The following TBC1D32 variants were observed in gnomAD, a reference collection of about 807,000 sequenced individuals.
The protein encoded by TBC1D32 is protein broad-minded.
A neutral mutation model predicts 170.3 loss-of-function variants in TBC1D32; 151 were observed. That is an observed-to-expected ratio of 0.89 (90% CI 0.78 to 1.01). TBC1D32 has a LOEUF of 1.01. Among genes scored for constraint, TBC1D32 ranks in the 50% least tolerant of loss-of-function variants. TBC1D32 has a pLI of 0.00. For missense variants in TBC1D32, 1,464 were observed against 1,457.1 expected, an observed-to-expected ratio of 1.00 and a Z score of -0.08; for synonymous variants, 498 against 488.0, an observed-to-expected ratio of 1.02 and a Z score of -0.27.
intron 13 of TBC1D32, among the ~76,000 whole-genome samples, chr6:121,282,187 T>C (rs2128446508): frequency 6.6e-6 from 1 of 151,840 alleles, no homozygotes; most frequent in East Asian, 1.9e-4. Flanking sequence ...AGTATACTTC[T>C]TGTATTACCA....
At chr6:121,246,075 A>T (rs1797560834) in intron 17 of TBC1D32, among the ~76,000 whole-genome samples, 1 of 152,188 alleles carries the variant, frequency 6.6e-6, no homozygotes, top group Non-Finnish European at 1.5e-5. Context: ...CTCTCCTATT[A>T]ACCTGAAGCC....
At chr6:121,205,958 T>G (rs550737327) in intron 21 of TBC1D32, among the ~76,000 whole-genome samples, 1 of 152,222 alleles carries the variant, frequency 6.6e-6, no homozygotes, top group East Asian at 1.9e-4. Context: ...ATGCCTGTAA[T>G]CCCAGCACTT....
intron 1 of TBC1D32, among the ~76,000 whole-genome samples, chr6:121,326,739 G>A (rs1765601051): frequency 6.6e-6 from 1 of 151,762 alleles, no homozygotes; most frequent in East Asian, 1.9e-4. Flanking sequence ...GTCTTAAGAG[G>A]TTACTGCTCT....
intron 10 of TBC1D32, among the ~76,000 whole-genome samples, chr6:121,299,147 G>A (rs748599502): frequency 3.8e-4 from 58 of 152,066 alleles, no homozygotes; most frequent in Non-Finnish European, 6.2e-4. Flanking sequence ...GATGTGAATC[G>A]AACTACATGC....
chr6:121,156,190 A>C (rs1208431145), intron 24 of TBC1D32, among the ~76,000 whole-genome samples: 2 of 151,378 alleles, frequency 1.3e-5, no homozygotes, highest in Non-Finnish European at 2.9e-5. Flanking sequence ...TCAGTTTTGA[A>C]ATTTGTTATT....
chr6:121,270,246 A>G (rs1206729019), intron 15 of TBC1D32, among the ~76,000 whole-genome samples: 1 of 152,182 alleles, frequency 6.6e-6, no homozygotes, highest in Non-Finnish European at 1.5e-5. Context: ...AGCAGAAGGC[A>G]AAAAATAACT....
At chr6:121,143,373 T>TG (rs1483867437) in intron 24 of TBC1D32, among the ~76,000 whole-genome samples, 1 of 152,158 alleles carries the variant, frequency 6.6e-6, no homozygotes, top group African/African-American at 2.4e-5. Flanking sequence ...TTGAACCAGA[T>TG]GATGTCTCAA....
At chr6:121,110,484 T>C (rs1440002508) in intron 29 of TBC1D32, among the ~76,000 whole-genome samples, 2 of 151,734 alleles carry the variant, frequency 1.3e-5, no homozygotes, top group Non-Finnish European at 2.9e-5. Flanking sequence ...TTGGGGTAAG[T>C]AGAATTGAGG....
chr6:121,219,692 A>C (rs1225309110), intron 21 of TBC1D32, among the ~76,000 whole-genome samples: 1 of 152,268 alleles, frequency 6.6e-6, no homozygotes. Flanking sequence ...CTACAGGCAT[A>C]CCTTGTTTTA....
intron 15 of TBC1D32, among the ~76,000 whole-genome samples, chr6:121,265,968 C>T (rs1270267296): frequency 6.6e-6 from 1 of 151,950 alleles, no homozygotes; most frequent in Non-Finnish European, 1.5e-5. Context: ...AACCATAAAA[C>T]CACAGAAGAA....
At chr6:121,308,198 TG>T in intron 4 of TBC1D32, 97 bp from the exon 5 acceptor site, 1 of 1,183,738 alleles carries the variant, frequency 8.4e-7, no homozygotes. Context: ...AGGTAAAGTC[TG>T]GATAATTTAT....
intron 21 of TBC1D32, among the ~76,000 whole-genome samples, chr6:121,216,049 G>A (rs7775931): frequency 0.56 from 84,805 of 152,146 alleles, 25,758 homozygotes; most frequent in Non-Finnish European, 0.7. Flanking sequence ...TGAAGGATGC[G>A]AAGTATTGAT....
chr6:121,267,078 T>TAAAAAA (rs60556893), intron 15 of TBC1D32, among the ~76,000 whole-genome samples: 2 of 87,398 alleles, frequency 2.3e-5, no homozygotes, highest in Admixed American at 1.1e-4. Context: ...AAAGTAAAAT[T>TAAAAAA]AAAAAAAAAA....
At chr6:121,107,387 C>T (rs1411611136) in intron 29 of TBC1D32, among the ~76,000 whole-genome samples, 8 of 151,646 alleles carry the variant, frequency 5.3e-5, no homozygotes, top group African/African-American at 1.9e-4. Flanking sequence ...TTTGTAGAAA[C>T]ATAAATATTT....
At chr6:121,209,785 T>C (rs9401380) in intron 21 of TBC1D32, among the ~76,000 whole-genome samples, 97,502 of 152,114 alleles carry the variant, frequency 0.64, 36,773 homozygotes, top group Non-Finnish European at 0.84. Context: ...AATGCAATAA[T>C]AAGCAAAGGT....
intron 1 of TBC1D32, among the ~76,000 whole-genome samples, chr6:121,333,047 C>T (rs907476919): frequency 6.6e-6 from 1 of 152,036 alleles, no homozygotes; most frequent in African/African-American, 2.4e-5. Flanking sequence ...CAAACTTGTA[C>T]ATAGAATTTC....
chr6:121,315,435 T>TA (rs1486148889), intron 3 of TBC1D32, among the ~76,000 whole-genome samples: 1 of 152,166 alleles, frequency 6.6e-6, no homozygotes, highest in African/African-American at 2.4e-5. Flanking sequence ...AATAACTACT[T>TA]ATCTCCCCTT....
intron 21 of TBC1D32, among the ~76,000 whole-genome samples, chr6:121,215,658 C>CAA (rs35230917): frequency 0.028 from 4,150 of 149,766 alleles, 79 homozygotes; most frequent in African/African-American, 0.058. Context: ...AAGAAATTTG[C>CAA]AAAAAAAAAA....
At chr6:121,112,467 A>G (rs1294961484) in intron 29 of TBC1D32, 38 bp downstream of exon 29, 2 of 1,550,844 alleles carry the variant, frequency 1.3e-6, no homozygotes, top group African/African-American at 2.8e-5. Context: ...TGTTCTTAAA[A>G]TTTCAAACCC....
Sources: gnomAD v4.1 joint callset for allele counts (sites outside exome capture counted in the v4.1 genomes callset) on GRCh38, gnomAD v4.1.1 for gene constraint, MANE v1.5 for transcripts, NCBI Gene and HGNC (gene_info 2026-07-23, HGNC 2026-07-21) for gene names.